Variants in CRISP1 observed in about 807,000 individuals in gnomAD.
CRISP1 encodes the protein cysteine-rich secretory protein 1.
CRISP1 carries 44 observed loss-of-function variants against 33.1 expected under a neutral mutation model. The ratio of observed to expected loss-of-function variants is 1.33; its 90% CI spans 1.05 to 1.71. CRISP1 has a LOEUF of 1.71. Ranked by LOEUF, CRISP1 falls within the 40% of genes most tolerant of loss-of-function variation. CRISP1 has a pLI of 0.00. For synonymous variants in CRISP1, 103 were observed against 98.7 expected, an observed-to-expected ratio of 1.04 and a Z score of -0.26; for missense variants, 390 against 301.2, an observed-to-expected ratio of 1.29 and a Z score of -2.18.
upstream of CRISP1, among the ~76,000 whole-genome samples, chr6:49,869,890 G>T (rs9473680): frequency 0.34 from 51,823 of 151,904 alleles, 9,595 homozygotes; most frequent in Non-Finnish European, 0.41. Flanking sequence ...ACTAATCCCA[G>T]GGGTACTAAA....
chr6:49,855,155 G>A (rs564819637), intron 2 of CRISP1, among the ~76,000 whole-genome samples: 1 of 152,056 alleles, frequency 6.6e-6, no homozygotes, highest in Non-Finnish European at 1.5e-5. Context: ...TCTTTCACCT[G>A]GACTGATTGT....
intron 1 of CRISP1, among the ~76,000 whole-genome samples, chr6:49,858,636 T>C (rs542693683): frequency 6.6e-6 from 1 of 152,298 alleles, no homozygotes; most frequent in South Asian, 2.1e-4. Flanking sequence ...TCCTTTCCTT[T>C]CTTTCTCCCT....
intron 2 of CRISP1, among the ~76,000 whole-genome samples, chr6:49,853,336 T>A (rs1771406988): frequency 6.6e-6 from 1 of 152,172 alleles, no homozygotes; most frequent in Non-Finnish European, 1.5e-5. Context: ...CATCCTATCA[T>A]GGATTTTTTT....
At chr6:49,851,766 C>T (rs113436514) in intron 3 of CRISP1, among the ~76,000 whole-genome samples, 13 of 152,224 alleles carry the variant, frequency 8.5e-5, no homozygotes, top group African/African-American at 2.6e-4. Context: ...GGTTGAGAAG[C>T]ACTGTCTTAG....
At chr6:49,842,794 C>T (rs1771037353) in intron 5 of CRISP1, among the ~76,000 whole-genome samples, 1 of 152,148 alleles carries the variant, frequency 6.6e-6, no homozygotes, top group Non-Finnish European at 1.5e-5. Context: ...GACCACTTGA[C>T]TAGGATTCAG....
At chr6:49,841,903 T>C (rs772378690) in intron 5 of CRISP1, among the ~76,000 whole-genome samples, 8 of 152,162 alleles carry the variant, frequency 5.3e-5, no homozygotes, top group Non-Finnish European at 1.0e-4. Flanking sequence ...GATTAAACAT[T>C]CAAATATTTA....
chr6:49,874,769 G>A (rs1772000145), intron 1 of CRISP1, among the ~76,000 whole-genome samples: 1 of 152,038 alleles, frequency 6.6e-6, no homozygotes, highest in African/African-American at 2.4e-5. Flanking sequence ...ATCAATAAAT[G>A]TGACTCATCA....
chr6:49,860,882 G>C (rs1285081176), intron 1 of CRISP1, among the ~76,000 whole-genome samples: 1 of 151,724 alleles, frequency 6.6e-6, no homozygotes, highest in Admixed American at 6.6e-5. Context: ...AAAAAGAGAA[G>C]ACCCAAATAA....
Position 49,875,925 on chromosome 6 carries a change from A to G in CRISP1, c.-3+1084T>C, listed in dbSNP as rs111671164. ...GATGGATTAAAGACTTAAACGTCAA[A>G]CCCCAAACTACAAAAACCCTAAAAA... On this transcript the variant is annotated intron_variant, in intron 1 of 7. Coordinates refer to the CRISP1 transcript ENST00000505118. 4.3e-3 allele frequency among the ~76,000 whole-genome samples: 658 copies of G among 152,274 alleles called. 4 individuals are homozygous for G. Among genetic ancestry groups the G allele is most frequent in the African/African-American group, 0.014 (589 of 41,560 alleles).
intron 7 of CRISP1, 144 bp downstream of exon 7, chr6:49,838,293 G>A: frequency 1.6e-6 from 1 of 638,000 alleles, no homozygotes. Context: ...CTGGCAATTG[G>A]GGAGGGGTAA....
intron 3 of CRISP1, 131 bp from the exon 4 acceptor site, chr6:49,848,430 A>G: frequency 3.9e-6 from 2 of 509,476 alleles, no homozygotes; most frequent in Non-Finnish European, 6.8e-6. Context: ...TAATGAGATT[A>G]CTATTAAACG....
intron 1 of CRISP1, among the ~76,000 whole-genome samples, chr6:49,862,226 A>AAAAATC (rs1330071814): frequency 6.6e-6 from 1 of 152,190 alleles, no homozygotes; most frequent in Non-Finnish European, 1.5e-5. Flanking sequence ...ATCAACATGC[A>AAAAATC]AAAATCAGTA....
intron 4 of CRISP1, among the ~76,000 whole-genome samples, chr6:49,847,462 ACT>A (rs1226759329): frequency 1.3e-5 from 2 of 151,110 alleles, no homozygotes; most frequent in Non-Finnish European, 3.0e-5. Context: ...GCACCCCCCA[ACT>A]CTCTCTCTCT....
At chr6:49,872,166 T>A (rs1771938925) in intron 1 of CRISP1, among the ~76,000 whole-genome samples, 1 of 152,246 alleles carries the variant, frequency 6.6e-6, no homozygotes, top group South Asian at 2.1e-4. Flanking sequence ...ATGAGCATTT[T>A]TTCATGTGTC....
At chr6:49,846,340 T>A (rs1425565674) in intron 5 of CRISP1, among the ~76,000 whole-genome samples, 180 bp downstream of exon 5, 2 of 152,130 alleles carry the variant, frequency 1.3e-5, no homozygotes, top group Non-Finnish European at 2.9e-5. Context: ...GTTAAGCATC[T>A]TCTCTAAGTC....
intron 1 of CRISP1, among the ~76,000 whole-genome samples, chr6:49,875,473 C>T (rs960141514): frequency 1.5e-4 from 23 of 152,022 alleles, no homozygotes; most frequent in African/African-American, 5.6e-4. Flanking sequence ...GATATACTCC[C>T]CAAAGTAATT....
At chr6:49,844,717 G>A (rs1561941140) in intron 5 of CRISP1, among the ~76,000 whole-genome samples, 1 of 152,148 alleles carries the variant, frequency 6.6e-6, no homozygotes. Flanking sequence ...ACTATCACAT[G>A]AAATTTCTTT....
intron 1 of CRISP1, 96 bp downstream of exon 1, chr6:49,866,333 T>A (rs1015517194): frequency 3.3e-5 from 5 of 152,198 alleles, no homozygotes; most frequent in African/African-American, 1.2e-4. Flanking sequence ...AAACTTTGCA[T>A]GTAATCTCAT....
At position 49,856,980 on chromosome 6, in the gene CRISP1, T is replaced by G. The variant is rs374554595; in HGVS notation, c.66+355A>C. On this transcript the variant is annotated intron_variant, in intron 2 of 7. Transcript: ENST00000335847. ...ATTTTGATGCTTTAAATTCTTGTTA[T>G]AGTAAAAAATTATATAGCTAATCTG... Among the ~76,000 whole-genome samples, 25 of 152,328 alleles carry G rather than the reference T, an allele frequency of 1.6e-4. No homozygotes were observed. In the East Asian group the frequency reaches 4.8e-3, roughly 29 times the overall value.
Sources: gnomAD v4.1 joint callset for allele counts (sites outside exome capture counted in the v4.1 genomes callset) on GRCh38, gnomAD v4.1.1 for gene constraint, MANE v1.5 for transcripts, NCBI Gene and HGNC (gene_info 2026-07-23, HGNC 2026-07-21) for gene names.